MCU: variants seen among roughly 807,000 people sequenced by gnomAD.
MCU encodes calcium uniporter protein, mitochondrial.
Under a neutral mutation model 45.2 loss-of-function variants are expected in MCU, and 12 were observed. That is an observed-to-expected ratio of 0.27 (90% CI 0.17 to 0.43). MCU has a LOEUF of 0.43. MCU is among the 20% of genes least tolerant of loss of function. MCU has a pLI of 1.00. For missense variants in MCU, 324 were observed against 436.7 expected, an observed-to-expected ratio of 0.74 and a Z score of 2.30; for synonymous variants, 160 against 165.1, an observed-to-expected ratio of 0.97 and a Z score of 0.24.
At chr10:72,882,758 A>G (rs981450611) in intron 6 of MCU, among the ~76,000 whole-genome samples, 22 of 152,064 alleles carry the variant, frequency 1.4e-4, no homozygotes, top group African/African-American at 4.8e-4. Flanking sequence ...GTGATATTCT[A>G]TTACCTTGTG....
chr10:72,810,634 G>GGTGGTTGTT (rs111545033), intron 1 of MCU, among the ~76,000 whole-genome samples: 6 of 146,780 alleles, frequency 4.1e-5, no homozygotes, highest in Admixed American at 6.8e-5. Flanking sequence ...CGCCCAGCTA[G>GGTGGTTGTT]GTTGTTGTTG....
chr10:72,886,531 GGTTTT>G lies in MCU; in HGVS notation c.*720_*724del, dbSNP rs375535993. 2 of 152,224 alleles carry G rather than the reference GGTTTT, an allele frequency of 1.3e-5. No individual in the cohort carries two copies. The highest frequency in any genetic ancestry group is 4.8e-5 in the African/African-American group (2 of 41,374). The allele number at this position is 152,224 out of a possible 1,614,324, so 9.4% of individuals were successfully genotyped here. A position where few individuals can be genotyped will look rare whatever the true frequency, so the allele number is the denominator to read the frequency against. On this transcript the variant is annotated 3_prime_UTR_variant, in exon 8 of 8. Transcript: ENST00000373053. Reference sequence around the variant, plus strand: ...ACTGGCAACACTGCATGAGGTTGTTGGTTTTGTTTTGTTTTATTAATTAGTCTTTC... The same window carrying G: ...ACTGGCAACACTGCATGAGGTTGTTGGTTTTGTTTTATTAATTAGTCTTTC...
chr10:72,805,630 C>T (rs1299793652), intron 1 of MCU, among the ~76,000 whole-genome samples: 2 of 152,066 alleles, frequency 1.3e-5, no homozygotes, highest in Non-Finnish European at 1.5e-5. Flanking sequence ...CAGTTTACCC[C>T]CTTTTTTTCC....
chr10:72,788,685 G>A (rs537419063), intron 1 of MCU, among the ~76,000 whole-genome samples: 8 of 152,270 alleles, frequency 5.3e-5, no homozygotes, highest in Admixed American at 4.6e-4. Flanking sequence ...AGTTCATCTC[G>A]TGCTTTCTAT....
At chr10:72,723,565 C>G (rs998036598) in intron 1 of MCU, among the ~76,000 whole-genome samples, 1 of 152,072 alleles carries the variant, frequency 6.6e-6, no homozygotes, top group African/African-American at 2.4e-5. Flanking sequence ...CAACATAAAA[C>G]CATATAACTT....
chr10:72,882,008 T>G (rs1379441468), intron 6 of MCU, among the ~76,000 whole-genome samples: 2 of 152,184 alleles, frequency 1.3e-5, no homozygotes, highest in Non-Finnish European at 2.9e-5. Context: ...CAGAAGAACG[T>G]GGATTGTGAA....
chr10:72,721,927 T>C (rs1322064493), intron 1 of MCU, among the ~76,000 whole-genome samples: 2 of 152,216 alleles, frequency 1.3e-5, no homozygotes, highest in African/African-American at 4.8e-5. Context: ...GGGCCTCTTA[T>C]TGGTAATTGC....
chr10:72,731,018 G>A (rs893120518), intron 1 of MCU: 6 of 152,156 alleles, frequency 3.9e-5, no homozygotes, highest in African/African-American at 1.4e-4. Flanking sequence ...AAACTCCTAG[G>A]CTCAAGGGAT....
Position 72,715,101 on chromosome 10 carries a change from A to G in MCU, c.150+22800A>G, listed in dbSNP as rs886880898. 8.7e-6 allele frequency: 8 copies of G among 923,706 alleles called. No homozygotes were observed. In the African/African-American group the frequency reaches 1.1e-4, roughly 12 times the overall value. 57.2% of individuals were successfully genotyped at this position (923,706 alleles called of 1,614,324 possible). On this transcript the variant is annotated intron_variant, in intron 1 of 7. Transcript: ENST00000373053. Reference sequence around the variant, plus strand: ...TTTGACATTTACTTTACTTTTTTCTATTCTTTTAGGTCTTTCACTACCATT... The same window carrying G: ...TTTGACATTTACTTTACTTTTTTCTGTTCTTTTAGGTCTTTCACTACCATT...
intron 1 of MCU, among the ~76,000 whole-genome samples, chr10:72,795,544 A>T (rs775071541): frequency 5.3e-5 from 8 of 152,244 alleles, no homozygotes; most frequent in Non-Finnish European, 1.0e-4. Context: ...GTATAACATG[A>T]TATAATTTCT....
chr10:72,849,778 G>GC (rs1236073025), intron 2 of MCU, among the ~76,000 whole-genome samples: 1 of 152,046 alleles, frequency 6.6e-6, no homozygotes, highest in East Asian at 1.9e-4. Context: ...GCTAAAACAA[G>GC]CAAGTTAAGA....
intron 2 of MCU, among the ~76,000 whole-genome samples, chr10:72,840,871 CTT>C (rs1330253562): frequency 3.9e-5 from 6 of 152,134 alleles, no homozygotes; most frequent in African/African-American, 1.2e-4. Flanking sequence ...TCACAGAACT[CTT>C]TTCTTGAAGG....
chr10:72,793,039 C>T (rs192342598), intron 1 of MCU, among the ~76,000 whole-genome samples: 11 of 152,024 alleles, frequency 7.2e-5, no homozygotes, highest in East Asian at 1.9e-4. Flanking sequence ...CCACCATGCC[C>T]GGCTAATTTT....
chr10:72,811,245 G>A (rs1019414886), intron 1 of MCU, among the ~76,000 whole-genome samples: 1 of 152,206 alleles, frequency 6.6e-6, no homozygotes, highest in Admixed American at 6.5e-5. Flanking sequence ...CGGTTGTGGT[G>A]GCTGTTGTTT....
At chr10:72,723,798 C>T (rs1843056566) in intron 1 of MCU, among the ~76,000 whole-genome samples, 2 of 152,164 alleles carry the variant, frequency 1.3e-5, no homozygotes, top group South Asian at 2.1e-4. Context: ...ATTCTTTCCT[C>T]GTTTTCACCT....
At position 72,778,763 on chromosome 10, in the gene MCU, A is replaced by G. The variant is rs555100149; in HGVS notation, c.151-55596A>G. Among the ~76,000 whole-genome samples, 13 of 152,318 alleles carry G rather than the reference A, an allele frequency of 8.5e-5. 1 individual carries two copies. In the South Asian group the frequency reaches 2.3e-3, roughly 27 times the overall value. On this transcript the variant is annotated intron_variant, in intron 1 of 7. Transcript: ENST00000373053. ...GTCAAACTAGATTTTGACTGTTAAT[A>G]TAAAAAATCACTATCCTTACCAAGT...
chr10:72,738,323 C>T (rs551326630), intron 1 of MCU, among the ~76,000 whole-genome samples: 148 of 152,176 alleles, frequency 9.7e-4, no homozygotes, highest in Middle Eastern at 6.8e-3. Flanking sequence ...AAGAAGAGAG[C>T]CAATCATGGT....
intron 1 of MCU, among the ~76,000 whole-genome samples, chr10:72,802,937 T>C (rs1007729310): frequency 6.6e-6 from 1 of 152,246 alleles, no homozygotes; most frequent in African/African-American, 2.4e-5. Context: ...TTTCATTCCC[T>C]GTACAGACAT....
chr10:72,813,450 CTTTT>C (rs71021537), intron 1 of MCU, among the ~76,000 whole-genome samples: 4 of 76,194 alleles, frequency 5.2e-5, no homozygotes, highest in East Asian at 2.8e-4. Flanking sequence ...CCAGCTCTCT[CTTTT>C]TTTTTTTTTT....
Sources: gnomAD v4.1 joint callset for allele counts (sites outside exome capture counted in the v4.1 genomes callset) on GRCh38, gnomAD v4.1.1 for gene constraint, MANE v1.5 for transcripts, NCBI Gene and HGNC (gene_info 2026-07-23, HGNC 2026-07-21) for gene names.